Variants in SEMA3A observed in about 807,000 individuals in gnomAD.
SEMA3A encodes semaphorin 3A.
Under a neutral mutation model 97.9 loss-of-function variants are expected in SEMA3A, and 29 were observed. The observed-to-expected ratio is 0.30, with a 90% confidence interval of 0.22 to 0.40. The LOEUF is 0.40. Ranked by LOEUF, SEMA3A falls within the 10% of genes least tolerant of loss-of-function variation. The pLI, the probability that SEMA3A is intolerant of heterozygous loss-of-function variation, is 1.00. For synonymous variants in SEMA3A, 321 were observed against 323.7 expected (o/e 0.99, Z 0.09); for missense variants, 763 against 951.3 (o/e 0.80, Z 2.60).
intron 2 of SEMA3A, among the ~76,000 whole-genome samples, chr7:84,326,476 G>T (rs1801777944): frequency 6.6e-6 from 1 of 151,986 alleles, no homozygotes; most frequent in Non-Finnish European, 1.5e-5. Context: ...TTACAGAAAA[G>T]ATACAGAATG....
intron 1 of SEMA3A, among the ~76,000 whole-genome samples, chr7:84,461,263 T>A (rs999199222): frequency 6.6e-5 from 10 of 152,164 alleles, no homozygotes; most frequent in African/African-American, 2.4e-4. Context: ...GTCATTTACA[T>A]CCTTAATTCA....
At chr7:84,310,573 G>A (rs1405302856) in intron 2 of SEMA3A, among the ~76,000 whole-genome samples, 1 of 151,954 alleles carries the variant, frequency 6.6e-6, no homozygotes, top group Non-Finnish European at 1.5e-5. Flanking sequence ...TGATCCTGGT[G>A]TTCTCCTGGA....
At chr7:84,052,458 G>A (rs1353415198) in intron 5 of SEMA3A, among the ~76,000 whole-genome samples, 3 of 152,098 alleles carry the variant, frequency 2.0e-5, no homozygotes, top group Non-Finnish European at 4.4e-5. Flanking sequence ...ATGTGTCGAG[G>A]AATTTATCCA....
At chr7:84,399,845 C>T (rs1803851222) in intron 1 of SEMA3A, among the ~76,000 whole-genome samples, 1 of 151,964 alleles carries the variant, frequency 6.6e-6, no homozygotes, top group Admixed American at 6.6e-5. Context: ...CTGGGCTTCA[C>T]GTACAAGCTG....
chr7:84,471,969 A>T (rs1806165180), intron 1 of SEMA3A, among the ~76,000 whole-genome samples: 1 of 151,196 alleles, frequency 6.6e-6, no homozygotes, highest in African/African-American at 2.4e-5. Flanking sequence ...GCCCATGATT[A>T]TTATTAATTG....
At chr7:84,316,325 G>A (rs568720156) in intron 2 of SEMA3A, among the ~76,000 whole-genome samples, 1 of 151,614 alleles carries the variant, frequency 6.6e-6, no homozygotes, top group African/African-American at 2.4e-5. Context: ...TAAATCCAAA[G>A]TAAGCACCAA....
At chr7:84,335,397 CA>C (rs1465103317) in intron 2 of SEMA3A, among the ~76,000 whole-genome samples, 1 of 151,988 alleles carries the variant, frequency 6.6e-6, no homozygotes, top group Non-Finnish European at 1.5e-5. Context: ...TTTACATTAG[CA>C]AATATAGGTT....
At chr7:84,011,986 G>A (rs1292256827) in intron 7 of SEMA3A, among the ~76,000 whole-genome samples, 4 of 151,802 alleles carry the variant, frequency 2.6e-5, no homozygotes, top group Admixed American at 1.3e-4. Flanking sequence ...AGACAAGCAC[G>A]GAAAGACAAA....
At chr7:84,250,888 T>G (rs1799591459) in intron 3 of SEMA3A, among the ~76,000 whole-genome samples, 1 of 152,232 alleles carries the variant, frequency 6.6e-6, no homozygotes, top group Admixed American at 6.5e-5. Flanking sequence ...ACTTGTCAAT[T>G]ATTAAATACC....
intron 3 of SEMA3A, among the ~76,000 whole-genome samples, chr7:84,242,896 G>A (rs1304156487): frequency 6.6e-6 from 1 of 152,126 alleles, no homozygotes; most frequent in Non-Finnish European, 1.5e-5. Flanking sequence ...AGATAATTGT[G>A]TGGTTTTTGT....
chr7:84,013,482 C>T (rs1790967887), intron 7 of SEMA3A, among the ~76,000 whole-genome samples: 1 of 152,122 alleles, frequency 6.6e-6, no homozygotes, highest in Admixed American at 6.6e-5. Flanking sequence ...ATGCTACAAT[C>T]AGTTTGTAAA....
intron 6 of SEMA3A, among the ~76,000 whole-genome samples, chr7:84,038,099 T>C: frequency 6.6e-6 from 1 of 152,170 alleles, no homozygotes; most frequent in East Asian, 1.9e-4. Context: ...AATAGGTATG[T>C]CACTAAGCTT....
intron 1 of SEMA3A, among the ~76,000 whole-genome samples, chr7:84,373,609 C>T (rs1172234954): frequency 2.6e-5 from 4 of 152,060 alleles, no homozygotes; most frequent in Non-Finnish European, 4.4e-5. Context: ...AAATTTGTTC[C>T]TGAATTTCCA....
At chr7:84,122,387 C>T (rs993091757) in intron 3 of SEMA3A, among the ~76,000 whole-genome samples, 1 of 152,060 alleles carries the variant, frequency 6.6e-6, no homozygotes, top group African/African-American at 2.4e-5. Context: ...TACCATCTCA[C>T]ACCAGTTAGA....
intron 3 of SEMA3A, among the ~76,000 whole-genome samples, chr7:84,304,094 G>A (rs939726142): frequency 6.6e-6 from 1 of 152,048 alleles, no homozygotes; most frequent in Non-Finnish European, 1.5e-5. Context: ...ACTGGTGTGT[G>A]GAGGCAGGCA....
At chr7:84,483,409 T>C (rs1277374937) in intron 1 of SEMA3A, among the ~76,000 whole-genome samples, 2 of 152,130 alleles carry the variant, frequency 1.3e-5, no homozygotes, top group Non-Finnish European at 2.9e-5. Context: ...AATATGGTGA[T>C]GATTTTCACT....
intron 3 of SEMA3A, among the ~76,000 whole-genome samples, chr7:84,234,277 C>G (rs1799183700): frequency 1.3e-5 from 2 of 152,018 alleles, no homozygotes; most frequent in South Asian, 4.1e-4. Flanking sequence ...TCACCTGAAC[C>G]AAAACCTGAC....
chr7:84,245,276 CT>C (rs1465800937), intron 3 of SEMA3A, among the ~76,000 whole-genome samples: 1 of 151,932 alleles, frequency 6.6e-6, no homozygotes, highest in Non-Finnish European at 1.5e-5. Flanking sequence ...TTCTTGGAGG[CT>C]TTGTTCGTTC....
At chr7:84,424,890 A>C (rs1231427295) in intron 1 of SEMA3A, among the ~76,000 whole-genome samples, 1 of 83,636 alleles carries the variant, frequency 1.2e-5, no homozygotes, top group Non-Finnish European at 2.1e-5. Flanking sequence ...TATTATATAT[A>C]AATAATTTAT....
Sources: gnomAD v4.1 joint callset for allele counts (sites outside exome capture counted in the v4.1 genomes callset) on GRCh38, gnomAD v4.1.1 for gene constraint, MANE v1.5 for transcripts, NCBI Gene and HGNC (gene_info 2026-07-23, HGNC 2026-07-21) for gene names.